TPO: variants seen among roughly 807,000 people sequenced by gnomAD.
TPO encodes the protein thyroid microsomal antigen.
In TPO, 78 loss-of-function variants were observed where a neutral mutation model predicts 96.9. The observed-to-expected ratio is 0.81, with a 90% CI of 0.67 to 0.97. TPO has a LOEUF of 0.97. Ranked by LOEUF, TPO falls within the 50% of genes least tolerant of loss-of-function variation. The pLI is 0.00. For synonymous variants in TPO, 547 were observed against 538.0 expected, an observed-to-expected ratio of 1.02 and a Z score of -0.23; for missense variants, 1,252 against 1,274.8, an observed-to-expected ratio of 0.98 and a Z score of 0.27.
At chr2:1,482,551 C>T (rs1361043613) in intron 8 of TPO, among the ~76,000 whole-genome samples, 1 of 152,182 alleles carries the variant, frequency 6.6e-6, no homozygotes, top group Non-Finnish European at 1.5e-5. Flanking sequence ...CACAGTATGG[C>T]GTCTGCCCAG....
intron 1 of TPO, among the ~76,000 whole-genome samples, chr2:1,382,013 T>C (rs1203399238): frequency 1.3e-5 from 2 of 152,204 alleles, no homozygotes; most frequent in Non-Finnish European, 2.9e-5. Flanking sequence ...GAGGAGTTTT[T>C]ACCCCAATCC....
chr2:1,414,402 T>G lies in TPO; in HGVS notation c.-1-6T>G. 6.2e-7 allele frequency: 1 copy of G among 1,612,682 alleles called. No individual in the cohort carries two copies. The highest frequency in any genetic ancestry group is 8.5e-7 in the Non-Finnish European group (1 of 1,179,370). On this transcript the variant is annotated splice_polypyrimidine_tract_variant and splice_region_variant and intron_variant, in intron 1 of 16. Transcript: ENST00000329066. ...TACATACTCTGTCTCCTTCCGTTAA[T>G]TTTAGAATGAGAGCGCTCGCTGTGC...
intron 7 of TPO, among the ~76,000 whole-genome samples, chr2:1,462,398 T>C (rs1668529543): frequency 6.6e-6 from 1 of 152,106 alleles, no homozygotes; most frequent in Admixed American, 6.5e-5. Context: ...AAGGAATTGT[T>C]ATCTTCATTC....
At position 1,516,893 on chromosome 2, in the gene TPO, G is replaced by C. The variant is rs1674769719; in HGVS notation, c.2529G>C (p.Arg843Ser). The change falls in exon 15 of 17, where the codon AGG (arginine) becomes AGC (serine). Residue 843 changes from arginine (R) to serine (S), a missense_variant. Coordinates refer to ENST00000329066, the MANE Select transcript of TPO (RefSeq NM_001206744.2). ...DDGRTCVDSG[R>S]LPRVTWISMS... ...CTTTCTGTGCCCCAGACTCCGGGAG[G>C]CTCCCTCGGGTGACTTGGATCTCCA... 3 of 1,613,812 alleles carry C rather than the reference G, an allele frequency of 1.9e-6. No homozygotes were observed. Among genetic ancestry groups the C allele is most frequent in the Non-Finnish European group, 2.5e-6 (3 of 1,180,038 alleles).
At chr2:1,417,111 A>C (rs1419532325) in intron 2 of TPO, among the ~76,000 whole-genome samples, 1 of 152,272 alleles carries the variant, frequency 6.6e-6, no homozygotes, top group African/African-American at 2.4e-5. Context: ...CAGAGAACCA[A>C]CACACATCCT....
rs1667526759 is a variant in TPO at position 1,453,718 on chromosome 2, C to T, written c.507C>T (p.Ser169=). The T allele has an allele frequency of 1.2e-6, 2 of 1,613,864 alleles. No homozygotes were observed. The highest frequency in any genetic ancestry group is 1.7e-6 in the Non-Finnish European group (2 of 1,180,050). The part of the protein sequence containing the change: ...NNRDHPRWGA[S]NTALARWLPP... ...GAGACCACCCCAGATGGGGCGCCTC[C>T]AACACGGCCCTGGCACGATGGCTCC... The change falls in exon 6 of 17, where the codon TCC becomes TCT. Residue 169 remains serine, a synonymous_variant. Coordinates refer to ENST00000329066, the MANE Select transcript of TPO (RefSeq NM_001206744.2).
intron 1 of TPO, among the ~76,000 whole-genome samples, chr2:1,408,085 C>G (rs145637929): frequency 6.6e-6 from 1 of 152,210 alleles, no homozygotes. Context: ...ACTACTTGGG[C>G]CTTCTGACGC....
At chr2:1,422,999 G>A (rs757617230) in intron 2 of TPO, 46 bp from the exon 3 acceptor site, 4 of 1,592,384 alleles carry the variant, frequency 2.5e-6, no homozygotes, top group South Asian at 1.1e-5. Context: ...TCAGTGAATC[G>A]CTGAACTGTC....
At chr2:1,382,204 CA>C (rs1661821830) in intron 1 of TPO, among the ~76,000 whole-genome samples, 1 of 152,176 alleles carries the variant, frequency 6.6e-6, no homozygotes, top group South Asian at 2.1e-4. Context: ...ACAGGAGTGG[CA>C]CTACCTTTCA....
chr2:1,385,290 G>T (rs924595402), intron 1 of TPO, among the ~76,000 whole-genome samples: 4 of 152,202 alleles, frequency 2.6e-5, no homozygotes, highest in Non-Finnish European at 4.4e-5. Flanking sequence ...AATGGTACCA[G>T]CTCCTCCTTG....
intron 2 of TPO, among the ~76,000 whole-genome samples, chr2:1,415,704 C>T (rs1301106810): frequency 6.6e-6 from 1 of 152,186 alleles, no homozygotes; most frequent in South Asian, 2.1e-4. Flanking sequence ...AGTCTTGGGG[C>T]CATGGCACAG....
At chr2:1,447,413 A>G (rs898609664) in intron 5 of TPO, among the ~76,000 whole-genome samples, 2 of 152,144 alleles carry the variant, frequency 1.3e-5, no homozygotes, top group African/African-American at 4.8e-5. Context: ...GCCTTTTTGT[A>G]CTGAACCAGT....
intron 5 of TPO, among the ~76,000 whole-genome samples, chr2:1,451,119 C>A (rs1482981170): frequency 6.6e-6 from 1 of 152,176 alleles, no homozygotes; most frequent in African/African-American, 2.4e-5. Context: ...GCAGCTGGTG[C>A]ACAACAGTAA....
chr2:1,505,266 C>T (rs147814327), intron 14 of TPO, among the ~76,000 whole-genome samples: 4 of 151,540 alleles, frequency 2.6e-5, no homozygotes, highest in East Asian at 2.0e-4. Context: ...AGGCGCACCC[C>T]CTCCTGTGTC....
intron 1 of TPO, among the ~76,000 whole-genome samples, chr2:1,385,099 G>C (rs1018181148): frequency 1.3e-5 from 2 of 152,192 alleles, no homozygotes; most frequent in African/African-American, 4.8e-5. Flanking sequence ...TGTGCTGCTG[G>C]ATTCAGTTTG....
At chr2:1,488,663 A>G (rs1671405903) in intron 10 of TPO, among the ~76,000 whole-genome samples, 1 of 152,006 alleles carries the variant, frequency 6.6e-6, no homozygotes, top group Non-Finnish European at 1.5e-5. Context: ...GACACCTCCT[A>G]TTCTGTGTGC....
At chr2:1,467,931 ATTAT>A (rs1558320813) in intron 7 of TPO, among the ~76,000 whole-genome samples, 1 of 67,754 alleles carries the variant, frequency 1.5e-5, no homozygotes, top group Non-Finnish European at 3.6e-5. Flanking sequence ...GCCTTTTATC[ATTAT>A]ATAATGACCC....
At chr2:1,496,819 G>A (rs560599189) in intron 13 of TPO, 54 bp downstream of exon 13, 2 of 1,612,266 alleles carry the variant, frequency 1.2e-6, no homozygotes, top group Admixed American at 1.7e-5. Flanking sequence ...TCCGATATAA[G>A]TTAACAATGC....
chr2:1,415,516 C>T (rs189992734), intron 2 of TPO, among the ~76,000 whole-genome samples: 13 of 144,018 alleles, frequency 9.0e-5, no homozygotes, highest in African/African-American at 2.1e-4. Flanking sequence ...CACATAGTCC[C>T]GGGGCCCCTG....
Sources: allele counts gnomAD v4.1 joint callset (sites outside exome capture counted in the v4.1 genomes callset), GRCh38; gene constraint gnomAD v4.1.1; transcripts MANE v1.5; gene names NCBI Gene and HGNC (gene_info 2026-07-23, HGNC 2026-07-21).